GDAP1: variants seen among roughly 807,000 people sequenced by gnomAD.
GDAP1 encodes ganglioside-induced differentiation-associated protein 1.
In GDAP1, 34 loss-of-function variants were observed where a neutral mutation model predicts 40.1. The ratio of observed to expected loss-of-function variants is 0.85; its 90% CI spans 0.64 to 1.13. GDAP1 has a LOEUF of 1.13. Among genes scored for constraint, GDAP1 ranks in the 50% most tolerant of loss-of-function variants. The pLI, the probability that GDAP1 is intolerant of heterozygous loss-of-function variation, is 0.00. For missense variants in GDAP1, 374 were observed against 433.7 expected (o/e 0.86, Z 1.22); for synonymous variants, 170 against 157.4 (o/e 1.08, Z -0.60).
chr8:74,423,444 A>T (rs553612258), intron 2 of GDAP1, among the ~76,000 whole-genome samples: 15 of 148,620 alleles, frequency 1.0e-4, no homozygotes, highest in Non-Finnish European at 1.9e-4. Context: ...ATATAAAAGT[A>T]TATATAAGAT....
In GDAP1 at chr8:74,364,124, C is replaced by G. The variant is rs2131521778; in HGVS notation, c.834C>G (p.Thr278=). The G allele has an allele frequency of 1.9e-6, 3 of 1,614,132 alleles. No individual in the cohort carries two copies. The highest frequency in any genetic ancestry group is 2.5e-6 in the Non-Finnish European group (3 of 1,180,016). ...ACGGAAAGCGACCAAACTTGGAAAC[C>G]TATTACGAGCGTGTCTTGAAGAGAA... The part of the protein sequence containing the change: ...WGNGKRPNLE[T]YYERVLKRKT... The change falls in exon 6 of 6, where the codon ACC becomes ACG. Residue 278 remains threonine, a synonymous_variant. Coordinates refer to ENST00000220822, the MANE Select transcript of GDAP1 (RefSeq NM_018972.4).
intron 2 of GDAP1, among the ~76,000 whole-genome samples, chr8:74,481,113 G>A (rs2128721597): frequency 6.6e-6 from 1 of 152,314 alleles, no homozygotes; most frequent in South Asian, 2.1e-4. Context: ...TCATTTAACA[G>A]TTGAAGAAAC....
At position 74,350,433 on chromosome 8, in the gene GDAP1, T is replaced by C. The variant is rs768550982; in HGVS notation, c.-29T>C. 7.2e-7 allele frequency: 1 copy of C among 1,390,812 alleles called. No individual in the cohort carries two copies. 86.2% of individuals were successfully genotyped at this position (1,390,812 alleles called of 1,614,324 possible). On this transcript the variant is annotated 5_prime_UTR_variant, in exon 1 of 6. Transcript: ENST00000220822. The stretch of plus-strand genomic sequence containing the variant: ...AGGGAGAAGTCCAGGGCGGACAGGC[T>C]GGGCGCACCCGTGCTCGCGCACCCC...
intron 2 of GDAP1, among the ~76,000 whole-genome samples, chr8:74,441,330 G>A (rs1806160002): frequency 6.6e-6 from 1 of 152,038 alleles, no homozygotes; most frequent in Non-Finnish European, 1.5e-5. Context: ...GGTCCCCCAT[G>A]AGTTTCATTT....
chr8:74,399,712 C>T (rs1367718961), intron 2 of GDAP1, among the ~76,000 whole-genome samples: 5 of 122,980 alleles, frequency 4.1e-5, no homozygotes, highest in Admixed American at 8.0e-5. Context: ...CCTCTACACA[C>T]TGCTTTGAAT....
At chr8:74,439,704 GA>G (rs1436149079) in intron 2 of GDAP1, among the ~76,000 whole-genome samples, 1 of 150,974 alleles carries the variant, frequency 6.6e-6, no homozygotes, top group Non-Finnish European at 1.5e-5. Context: ...TATTAATTAT[GA>G]AAAATTCTAC....
At chr8:74,427,004 T>C (rs1805955979) in intron 2 of GDAP1, among the ~76,000 whole-genome samples, 1 of 152,218 alleles carries the variant, frequency 6.6e-6, no homozygotes, top group South Asian at 2.1e-4. Context: ...CATCCGTACC[T>C]GTGTGTGGCC....
chr8:74,430,256 T>C (rs772206453), intron 2 of GDAP1, among the ~76,000 whole-genome samples: 2 of 152,232 alleles, frequency 1.3e-5, no homozygotes, highest in Admixed American at 1.3e-4. Flanking sequence ...CAAAACACCA[T>C]ATGCATTTAT....
intron 2 of GDAP1, among the ~76,000 whole-genome samples, chr8:74,485,450 G>A (rs987085229): frequency 6.6e-5 from 10 of 152,148 alleles, no homozygotes; most frequent in Non-Finnish European, 1.3e-4. Flanking sequence ...CAGTTTGGGT[G>A]ATAGATTAGG....
chr8:74,366,197 A>G lies in GDAP1; in HGVS notation c.*1830A>G. ...TTCCTTGTACAGTTTCTTTGGAAAT[A>G]CGTTAAAGATAGTGGCAATTTCATA... On this transcript the variant is annotated 3_prime_UTR_variant, in exon 6 of 6. Coordinates refer to ENST00000220822, the MANE Select transcript of GDAP1 (RefSeq NM_018972.4). The G allele has an allele frequency of 2.2e-6, 1 of 454,118 alleles. No homozygotes were observed. The highest frequency in any genetic ancestry group is 4.4e-6 in the Non-Finnish European group (1 of 226,726). The allele number at this position is 454,118 out of a possible 1,614,324, so 28.1% of individuals were successfully genotyped here.
intron 2 of GDAP1, among the ~76,000 whole-genome samples, chr8:74,425,734 C>G (rs532263250): frequency 2.0e-4 from 30 of 152,180 alleles, no homozygotes; most frequent in Non-Finnish European, 3.4e-4. Flanking sequence ...GTGGAAGATA[C>G]AAACTTATCA....
chr8:74,460,132 T>C (rs1162723898), intron 2 of GDAP1, among the ~76,000 whole-genome samples: 1 of 152,224 alleles, frequency 6.6e-6, no homozygotes. Context: ...CAAGCAGACA[T>C]ATTAGTATTC....
chr8:74,478,543 TG>T (rs1337953786), intron 2 of GDAP1, among the ~76,000 whole-genome samples: 2 of 152,110 alleles, frequency 1.3e-5, no homozygotes, highest in African/African-American at 2.4e-5. Flanking sequence ...CCCCAGGAGA[TG>T]CCAGCAGACT....
intron 2 of GDAP1, among the ~76,000 whole-genome samples, chr8:74,483,933 C>T (rs1251830542): frequency 6.6e-6 from 1 of 152,068 alleles, no homozygotes; most frequent in Non-Finnish European, 1.5e-5. Flanking sequence ...TCACGGATTT[C>T]GACAGGATGA....
At chr8:74,402,152 C>T (rs1046195182) in intron 2 of GDAP1, among the ~76,000 whole-genome samples, 4 of 150,436 alleles carry the variant, frequency 2.7e-5, no homozygotes, top group Non-Finnish European at 4.4e-5. Context: ...GCCCTGCCCC[C>T]AGAGGTGGAG....
chr8:74,463,701 G>C (rs1383135881), intron 2 of GDAP1, among the ~76,000 whole-genome samples: 1 of 152,130 alleles, frequency 6.6e-6, no homozygotes, highest in African/African-American at 2.4e-5. Flanking sequence ...ATAGAAATAA[G>C]TAAGACATAG....
At chr8:74,370,799 C>T (rs1057476393), downstream of GDAP1, among the ~76,000 whole-genome samples, 17 of 152,002 alleles carry the variant, frequency 1.1e-4, no homozygotes, top group Admixed American at 3.9e-4. Flanking sequence ...AAGCGATATA[C>T]CAGGTATACA....
At chr8:74,458,592 G>A (rs1467275973) in intron 2 of GDAP1, among the ~76,000 whole-genome samples, 3 of 152,194 alleles carry the variant, frequency 2.0e-5, no homozygotes, top group Non-Finnish European at 4.4e-5. Flanking sequence ...GATGAATTGT[G>A]TTTGTTTCTT....
At chr8:74,423,944 G>A (rs1475608209) in intron 2 of GDAP1, among the ~76,000 whole-genome samples, 1 of 152,140 alleles carries the variant, frequency 6.6e-6, no homozygotes, top group Non-Finnish European at 1.5e-5. Flanking sequence ...CCAAAGAGAA[G>A]ATAAACCCCT....
Sources: gnomAD v4.1 joint callset for allele counts (sites outside exome capture counted in the v4.1 genomes callset) on GRCh38, gnomAD v4.1.1 for gene constraint, MANE v1.5 for transcripts, NCBI Gene and HGNC (gene_info 2026-07-23, HGNC 2026-07-21) for gene names.